Variants in TTC39B observed in about 807,000 individuals in gnomAD.
TTC39B encodes tetratricopeptide repeat domain 39B.
TTC39B carries 92 observed loss-of-function variants against 96.6 expected under a neutral mutation model. The ratio of observed to expected loss-of-function variants is 0.95; its 90% CI spans 0.80 to 1.13. The LOEUF is 1.13. Ranked by LOEUF, TTC39B falls within the 50% of genes most tolerant of loss-of-function variation. TTC39B has a pLI of 0.00. For missense variants in TTC39B, 955 were observed against 809.3 expected (o/e 1.18, Z -2.18); for synonymous variants, 367 against 299.4 (o/e 1.23, Z -2.33).
At chr9:15,224,499 T>C (rs1254447061) in intron 3 of TTC39B, 1 of 152,320 alleles carries the variant, frequency 6.6e-6, no homozygotes, top group Non-Finnish European at 1.5e-5. Context: ...TCTTTTGTTA[T>C]GGCTCTCTGG....
exon 9 of TTC39B, chr9:15,192,647 C>T: frequency 1.9e-6 from 3 of 1,614,096 alleles, no homozygotes; most frequent in Non-Finnish European, 2.5e-6. Flanking sequence ...AGAAGAATTC[C>T]TGCTGAAGTT....
intron 4 of TTC39B, among the ~76,000 whole-genome samples, chr9:15,213,469 C>G (rs760378648): frequency 3.3e-5 from 5 of 152,132 alleles, no homozygotes; most frequent in Admixed American, 6.5e-5. Flanking sequence ...TTCACATGAC[C>G]AGAGTCCAGT....
At chr9:15,198,046 T>C (rs557433692) in intron 8 of TTC39B, among the ~76,000 whole-genome samples, 111 of 152,094 alleles carry the variant, frequency 7.3e-4, no homozygotes, top group African/African-American at 2.6e-3. Flanking sequence ...AATAAGAATA[T>C]GAAAAATGGT....
chr9:15,271,576 C>T (rs1375484575), intron 1 of TTC39B, among the ~76,000 whole-genome samples: 4 of 152,046 alleles, frequency 2.6e-5, no homozygotes, highest in South Asian at 2.1e-4. Flanking sequence ...GAGACTCTCA[C>T]GCCACCGCTG....
chr9:15,277,632 T>A (rs1403198956), intron 1 of TTC39B, among the ~76,000 whole-genome samples: 2 of 152,136 alleles, frequency 1.3e-5, no homozygotes, highest in Non-Finnish European at 2.9e-5. Flanking sequence ...CACACTCTAT[T>A]TCTCAGGGCT....
At chr9:15,211,444 C>T in intron 4 of TTC39B, 47 bp from the exon 5 acceptor site, 3 of 1,412,352 alleles carry the variant, frequency 2.1e-6, no homozygotes. Context: ...AATGGAAATA[C>T]TGATCATAAG....
At chr9:15,199,768 A>AT (rs1819420910) in intron 8 of TTC39B, 93 bp downstream of exon 8, 1 of 376,420 alleles carries the variant, frequency 2.7e-6, no homozygotes, top group Non-Finnish European at 5.0e-6. Context: ...AAAAAAAAAA[A>AT]TCCTAGTCAA....
Position 15,268,005 on chromosome 9 carries a change from G to A in TTC39B, c.241-57C>T. ...CAAGAATTCTCAATGGGTTTCTCAA[G>A]AATTCTAAAAGAGAAAATGAATACA... On this transcript the variant is annotated intron_variant, in intron 1 of 19. Coordinates refer to ENST00000512701, the Ensembl canonical transcript of TTC39B. The A allele has an allele frequency of 2.0e-6, 3 of 1,537,782 alleles. No individual in the cohort carries two copies. The South Asian group carries it at 3.4e-5, about 17-fold the overall frequency.
chr9:15,207,333 C>T (rs1369304239), intron 6 of TTC39B, among the ~76,000 whole-genome samples: 1 of 152,188 alleles, frequency 6.6e-6, no homozygotes, highest in Non-Finnish European at 1.5e-5. Flanking sequence ...TAATTTTCTA[C>T]CTTATTCCAG....
intron 2 of TTC39B, among the ~76,000 whole-genome samples, chr9:15,256,183 CT>C (rs967373970): frequency 1.7e-4 from 26 of 149,394 alleles, no homozygotes; most frequent in African/African-American, 4.7e-4. Flanking sequence ...TTTCCTTCTT[CT>C]TTTTTTTTTC....
chr9:15,267,873 A>G, intron 2 of TTC39B, 41 bp downstream of exon 2: 5 of 1,557,624 alleles, frequency 3.2e-6, no homozygotes, highest in Non-Finnish European at 3.5e-6. Context: ...ACAACCATCA[A>G]TTTTTCCTTA....
intron 2 of TTC39B, among the ~76,000 whole-genome samples, chr9:15,239,428 G>A (rs1821936124): frequency 6.6e-6 from 1 of 152,092 alleles, no homozygotes; most frequent in South Asian, 2.1e-4. Context: ...TCTACCCAAA[G>A]GAAAAGAAAT....
rs369702417 is a variant in TTC39B at position 15,300,803 on chromosome 9, T to G, written c.240+6281A>C. Reference sequence around the variant, plus strand: ...CGGAACGCTGAGGCAGGAGAATCGGTTGAACCCAGGCTGTGGGGGCAGAGG... The same window carrying G: ...CGGAACGCTGAGGCAGGAGAATCGGGTGAACCCAGGCTGTGGGGGCAGAGG... On this transcript the variant is annotated intron_variant, in intron 1 of 19. Transcript: ENST00000512701. 2.2e-3 allele frequency among the ~76,000 whole-genome samples: 326 copies of G among 147,762 alleles called. 4 individuals are homozygous for G. The highest frequency in any genetic ancestry group is 7.6e-3 in the African/African-American group (305 of 40,254).
chr9:15,243,907 C>G (rs912821213), intron 2 of TTC39B, among the ~76,000 whole-genome samples: 14 of 152,134 alleles, frequency 9.2e-5, no homozygotes, highest in African/African-American at 3.4e-4. Flanking sequence ...AAAACATTTT[C>G]TTTTCATTTA....
intron 1 of TTC39B, among the ~76,000 whole-genome samples, chr9:15,284,683 A>G (rs1823891445): frequency 6.6e-6 from 1 of 152,212 alleles, no homozygotes; most frequent in Non-Finnish European, 1.5e-5. Flanking sequence ...GCAGATTTCT[A>G]TGACTAGAAA....
intron 2 of TTC39B, among the ~76,000 whole-genome samples, chr9:15,232,077 C>T (rs936798788): frequency 2.0e-5 from 3 of 152,128 alleles, no homozygotes; most frequent in African/African-American, 7.2e-5. Flanking sequence ...TGTCCCCCCT[C>T]CCCAACCTGA....
chr9:15,288,359 C>T (rs965817186), intron 1 of TTC39B, among the ~76,000 whole-genome samples: 6 of 152,096 alleles, frequency 3.9e-5, no homozygotes, highest in Non-Finnish European at 7.4e-5. Context: ...CATATAAACG[C>T]CAAAACCCCG....
intron 3 of TTC39B, among the ~76,000 whole-genome samples, chr9:15,221,116 G>C (rs1018106233): frequency 1.3e-5 from 2 of 152,134 alleles, no homozygotes; most frequent in African/African-American, 4.8e-5. Flanking sequence ...ATCTTCAGGG[G>C]AGGTTCTCAA....
At chr9:15,189,670 C>A in intron 12 of TTC39B, 37 bp from the exon 13 acceptor site, 2 of 1,614,042 alleles carry the variant, frequency 1.2e-6, no homozygotes, top group Non-Finnish European at 1.7e-6. Context: ...GTTCAACAGT[C>A]AACACTGGCT....
Sources: allele counts gnomAD v4.1 joint callset (sites outside exome capture counted in the v4.1 genomes callset), GRCh38; gene constraint gnomAD v4.1.1; transcripts MANE v1.5; gene names NCBI Gene and HGNC (gene_info 2026-07-23, HGNC 2026-07-21).